Variants in CNTNAP5 observed in about 807,000 individuals in gnomAD.
The protein encoded by CNTNAP5 is contactin associated protein family member 5, also known as contactin-associated protein-like 5.
A neutral mutation model predicts 150.2 loss-of-function variants in CNTNAP5; 72 were observed. The ratio of observed to expected loss-of-function variants is 0.48; its 90% confidence interval spans 0.40 to 0.58. The LOEUF is 0.58. Among genes scored for constraint, CNTNAP5 ranks in the 20% least tolerant of loss-of-function variants. The pLI is 0.00. For missense variants in CNTNAP5, 1,636 were observed against 1,626.2 expected, an observed-to-expected ratio of 1.01 and a Z score of -0.10; for synonymous variants, 672 against 619.8, an observed-to-expected ratio of 1.08 and a Z score of -1.25.
chr2:124,083,796 C>T (rs1457757220), intron 1 of CNTNAP5, among the ~76,000 whole-genome samples: 3 of 151,360 alleles, frequency 2.0e-5, no homozygotes, highest in African/African-American at 7.3e-5. Context: ...TTCCTTCTTT[C>T]TTTCTCATTT....
At chr2:124,409,029 A>C (rs1382726639) in intron 3 of CNTNAP5, among the ~76,000 whole-genome samples, 18 of 139,064 alleles carry the variant, frequency 1.3e-4, no homozygotes, top group African/African-American at 4.8e-4. Flanking sequence ...ACCAATACAG[A>C]GAAGTGCTTA....
At chr2:124,756,923 T>A (rs540647837) in intron 14 of CNTNAP5, among the ~76,000 whole-genome samples, 2 of 152,024 alleles carry the variant, frequency 1.3e-5, no homozygotes. Context: ...CCCCTGAAAT[T>A]AAAAGTTGGA....
intron 4 of CNTNAP5, among the ~76,000 whole-genome samples, chr2:124,429,141 A>T (rs1692309589): frequency 6.6e-6 from 1 of 152,232 alleles, no homozygotes; most frequent in African/African-American, 2.4e-5. Context: ...TTTATCTCTT[A>T]TTAACAGCAA....
At position 124,851,138 on chromosome 2, in the gene CNTNAP5, G is replaced by T. The variant is rs548465708; in HGVS notation, c.3218-14168G>T. On this transcript the variant is annotated intron_variant, in intron 19 of 23. Coordinates refer to ENST00000682447, the MANE Select transcript of CNTNAP5 (RefSeq NM_001367498.1). ...CCAACACTTTGGGAGGCCGAGGCAGGTGGGCCACCTGAGGTCAGGAGTTCA... is the reference window on the plus strand; with the variant it reads ...CCAACACTTTGGGAGGCCGAGGCAGTTGGGCCACCTGAGGTCAGGAGTTCA... Among the ~76,000 whole-genome samples, 158 of 152,274 alleles carry T rather than the reference G, an allele frequency of 1.0e-3. 2 individuals are homozygous for T. In the South Asian group the frequency reaches 0.032, roughly 31 times the overall value.
intron 14 of CNTNAP5, among the ~76,000 whole-genome samples, chr2:124,754,805 G>A (rs760295642): frequency 6.6e-6 from 1 of 151,588 alleles, no homozygotes; most frequent in Non-Finnish European, 1.5e-5. Context: ...CTCACGCGTC[G>A]AACTCTCAAA....
At chr2:124,531,850 A>T (rs1194095293) in intron 10 of CNTNAP5, among the ~76,000 whole-genome samples, 1 of 152,192 alleles carries the variant, frequency 6.6e-6, no homozygotes, top group Non-Finnish European at 1.5e-5. Flanking sequence ...ATATAAGTAG[A>T]GAGTTCATTT....
intron 1 of CNTNAP5, among the ~76,000 whole-genome samples, chr2:124,042,464 C>T (rs1352441515): frequency 6.6e-6 from 1 of 152,094 alleles, no homozygotes. Context: ...GTACTGTCCT[C>T]ATAGGCTTTA....
At chr2:124,375,013 A>G (rs1164366761) in intron 3 of CNTNAP5, among the ~76,000 whole-genome samples, 1 of 152,138 alleles carries the variant, frequency 6.6e-6, no homozygotes, top group African/African-American at 2.4e-5. Context: ...CTTGATATAA[A>G]TAAATAGTTG....
At chr2:124,411,560 A>G (rs1691764741) in intron 3 of CNTNAP5, among the ~76,000 whole-genome samples, 1 of 144,522 alleles carries the variant, frequency 6.9e-6, no homozygotes, top group Non-Finnish European at 1.5e-5. Context: ...CCTGGGATGC[A>G]AGGCTGGTTC....
intron 1 of CNTNAP5, among the ~76,000 whole-genome samples, chr2:124,154,441 C>T (rs72845530): frequency 5.0e-4 from 76 of 152,030 alleles, no homozygotes; most frequent in South Asian, 1.9e-3. Flanking sequence ...CTGGGAAATG[C>T]GAAGGGCCAG....
chr2:124,345,706 G>T (rs536609276), intron 3 of CNTNAP5, among the ~76,000 whole-genome samples: 2 of 152,258 alleles, frequency 1.3e-5, no homozygotes, highest in East Asian at 3.9e-4. Flanking sequence ...TAGAGAAGAA[G>T]AGAAAATAAG....
intron 13 of CNTNAP5, among the ~76,000 whole-genome samples, chr2:124,683,786 C>T (rs1031746242): frequency 6.6e-6 from 1 of 152,054 alleles, no homozygotes; most frequent in Non-Finnish European, 1.5e-5. Flanking sequence ...ACTTTTCTAC[C>T]CTCTTCAAGA....
At chr2:124,114,424 T>A (rs1683376848) in intron 1 of CNTNAP5, among the ~76,000 whole-genome samples, 1 of 152,070 alleles carries the variant, frequency 6.6e-6, no homozygotes, top group Non-Finnish European at 1.5e-5. Context: ...ATCTTCTAAT[T>A]GTTTATTACT....
At chr2:124,682,611 A>G (rs183394347) in intron 13 of CNTNAP5, among the ~76,000 whole-genome samples, 68 of 152,324 alleles carry the variant, frequency 4.5e-4, no homozygotes, top group Non-Finnish European at 8.4e-4. Flanking sequence ...CCCGAGGCTC[A>G]GTAGTTTCTC....
At chr2:124,691,702 G>A (rs540257375) in intron 13 of CNTNAP5, among the ~76,000 whole-genome samples, 243 of 152,084 alleles carry the variant, frequency 1.6e-3, no homozygotes, top group Non-Finnish European at 1.8e-3. Flanking sequence ...CATTCCATGC[G>A]CTCAGTGGTC....
chr2:124,402,744 C>A (rs1367559923), intron 3 of CNTNAP5, among the ~76,000 whole-genome samples: 2 of 152,152 alleles, frequency 1.3e-5, no homozygotes, highest in African/African-American at 2.4e-5. Context: ...CACACATATG[C>A]ACTTATGATA....
At chr2:124,781,237 G>A (rs984847363) in intron 17 of CNTNAP5, among the ~76,000 whole-genome samples, 2 of 152,160 alleles carry the variant, frequency 1.3e-5, no homozygotes, top group African/African-American at 4.8e-5. Flanking sequence ...TCTTTGGGAG[G>A]TACAGGCTCA....
intron 3 of CNTNAP5, among the ~76,000 whole-genome samples, chr2:124,274,494 G>T (rs867619820): frequency 1.2e-4 from 18 of 151,176 alleles, no homozygotes; most frequent in Admixed American, 1.1e-3. Flanking sequence ...AGACAATCAG[G>T]TTTTTTTTTC....
chr2:124,690,266 A>G (rs183953847), intron 13 of CNTNAP5, among the ~76,000 whole-genome samples: 9 of 152,250 alleles, frequency 5.9e-5, no homozygotes, highest in Admixed American at 5.9e-4. Flanking sequence ...GTGCATTTTG[A>G]TTCAAGTGGT....
Sources: allele counts gnomAD v4.1 joint callset (sites outside exome capture counted in the v4.1 genomes callset), GRCh38; gene constraint gnomAD v4.1.1; transcripts MANE v1.5; gene names NCBI Gene and HGNC (gene_info 2026-07-23, HGNC 2026-07-21).